C16orf95: variants seen among roughly 807,000 people sequenced by gnomAD.
C16orf95 encodes the protein chromosome 16 open reading frame 95.
A neutral mutation model predicts 32.1 loss-of-function variants in C16orf95; 41 were observed. The ratio of observed to expected loss-of-function variants is 1.28; its 90% CI spans 1.00 to 1.66. The LOEUF is 1.66. Ranked by LOEUF, C16orf95 falls within the 40% of genes most tolerant of loss-of-function variation. The pLI is 0.00. For synonymous variants in C16orf95, 147 were observed against 128.9 expected, an observed-to-expected ratio of 1.14 and a Z score of -0.95; for missense variants, 399 against 325.9, an observed-to-expected ratio of 1.22 and a Z score of -1.73.
intron 2 of C16orf95, 41 bp downstream of exon 2, chr16:87,315,731 G>C (rs1264485499): frequency 4.1e-6 from 6 of 1,463,698 alleles, no homozygotes; most frequent in Admixed American, 2.1e-5. Context: ...ACAGGGATAT[G>C]TTGGGGTCAG....
At chr16:87,307,655 G>A (rs1319622476) in intron 5 of C16orf95, among the ~76,000 whole-genome samples, 1 of 152,132 alleles carries the variant, frequency 6.6e-6, no homozygotes, top group Admixed American at 6.5e-5. Flanking sequence ...CTACTTGGGA[G>A]GCTGAGGTAG....
Position 87,317,373 on chromosome 16 carries a change from G to A in C16orf95, c.-131C>T, listed in dbSNP as rs1287876666. On this transcript the variant is annotated 5_prime_UTR_variant, in exon 1 of 7. Transcript: ENST00000567970. ...CTCAACCCCAGCCCCAACCTCAACC[G>A]CTCAGAGGAGCCCAACAACGCCCGC... The A allele has an allele frequency of 6.4e-6, 9 of 1,397,984 alleles. No homozygotes were observed. Among genetic ancestry groups the A allele is most frequent in the African/African-American group, 3.0e-5 (2 of 67,706 alleles). The allele number at this position is 1,397,984 out of a possible 1,614,324, so 86.6% of individuals were successfully genotyped here.
intron 6 of C16orf95, among the ~76,000 whole-genome samples, chr16:87,304,271 A>C: frequency 1.8e-5 from 1 of 56,110 alleles, no homozygotes; most frequent in Non-Finnish European, 4.2e-5. Flanking sequence ...TGGCCTCCGA[A>C]AGTGCTGGGA....
At chr16:87,317,047 G>C (rs781239765) in intron 1 of C16orf95, 44 bp downstream of exon 1, 2 of 1,468,648 alleles carry the variant, frequency 1.4e-6, no homozygotes, top group South Asian at 1.3e-5. Context: ...GAACTCACAG[G>C]CGAGGTGTCG....
chr16:87,315,297 G>A (rs1904310677), intron 2 of C16orf95, among the ~76,000 whole-genome samples: 2 of 152,182 alleles, frequency 1.3e-5, no homozygotes, highest in African/African-American at 4.8e-5. Context: ...GGATCCCCCG[G>A]AGCTTGCAAA....
rs1262813420 is a variant in C16orf95, at chr16:87,315,799, C to A, written c.177G>T (p.Lys59Asn). 6.5e-7 allele frequency: 1 copy of A among 1,531,064 alleles called. No individual in the cohort carries two copies. Among genetic ancestry groups the A allele is most frequent in the African/African-American group, 1.4e-5 (1 of 72,946 alleles). 94.8% of individuals were successfully genotyped at this position (1,531,064 alleles called of 1,614,324 possible). A position where few individuals can be genotyped will look rare whatever the true frequency, so the allele number is the denominator to read the frequency against. ...DGRNSTFQTY[K>N]KEVCLPRHSM... ...AATGACGGGGGAGGCACACTTCTTT[C>A]TTGTAGGTTTGAAATGTGCTATTCC... is the stretch of plus-strand genomic sequence containing the variant. Residue 59 changes from lysine to asparagine, a missense_variant, in exon 2 of 7, where the codon AAG (lysine) becomes AAT (asparagine). Transcript: ENST00000567970.
intron 2 of C16orf95, among the ~76,000 whole-genome samples, 198 bp downstream of exon 2, chr16:87,315,574 G>C (rs561625078): frequency 8.5e-5 from 13 of 152,314 alleles, no homozygotes; most frequent in Non-Finnish European, 1.5e-4. Flanking sequence ...AGGTATATTA[G>C]GTGGCCTCCT....
chr16:87,307,051 C>T (rs991824690), intron 5 of C16orf95, among the ~76,000 whole-genome samples: 23 of 152,160 alleles, frequency 1.5e-4, no homozygotes, highest in Admixed American at 1.5e-3. Flanking sequence ...AAGCATTCCC[C>T]GACCCCTGCC....
rs1910829269 is a variant in C16orf95 at position 87,302,943 on chromosome 16, C to A, written c.*114G>T. ...TTGGGTTGAATCCTGGGTGTGGATT[C>A]TGTTCTGAGAAGACAGCGACTGTCA... On this transcript the variant is annotated 3_prime_UTR_variant, in exon 7 of 7. Coordinates refer to ENST00000567970, the MANE Select transcript of C16orf95 (RefSeq NM_001195124.3). 1.8e-6 allele frequency: 2 copies of A among 1,103,642 alleles called. No individual in the cohort carries two copies. The highest frequency in any genetic ancestry group is 2.7e-6 in the Non-Finnish European group (2 of 753,236). The allele number at this position is 1,103,642 out of a possible 1,614,324, so 68.4% of individuals were successfully genotyped here.
intron 5 of C16orf95, among the ~76,000 whole-genome samples, chr16:87,309,687 T>A (rs1240544715): frequency 6.6e-6 from 1 of 152,120 alleles, no homozygotes; most frequent in East Asian, 1.9e-4. Context: ...CCCAGCATAT[T>A]ATATGCATTT....
chr16:87,312,306 T>G (rs1053313336), intron 3 of C16orf95, among the ~76,000 whole-genome samples: 2 of 152,148 alleles, frequency 1.3e-5, no homozygotes, highest in Non-Finnish European at 2.9e-5. Flanking sequence ...CAGTGGCTCA[T>G]GCCAATAATC....
chr16:87,305,825 G>A lies in C16orf95; in HGVS notation c.595C>T (p.Leu199Phe), dbSNP rs1910998444. The A allele has an allele frequency of 1.3e-6, 2 of 1,496,644 alleles. No individual in the cohort carries two copies. The highest frequency in any genetic ancestry group is 2.2e-5 in the Admixed American group (1 of 45,072). The allele number at this position is 1,496,644 out of a possible 1,614,324, so 92.7% of individuals were successfully genotyped here. A position where few individuals can be genotyped will look rare whatever the true frequency, so the allele number is the denominator to read the frequency against. ...DECLLSKFQQ[L>F]QAPYQDQLPA... ...AGCTGGTCCTGGTAGGGGGCCTGGA[G>A]CTGCTGGAACTTGGACAACAGGCAC... Residue 199 changes from leucine (L) to phenylalanine (F), a missense_variant, in exon 6 of 7, where the codon CTC becomes TTC. By Grantham distance (22) the Leu-to-Phe change is conservative. Coordinates refer to ENST00000567970, the MANE Select transcript of C16orf95 (RefSeq NM_001195124.3). This position sits in a 1 kb window ranked among gnomAD's most constrained non-coding sequence, Gnocchi z 4.2.
In C16orf95 at chr16:87,311,144, CCTT is replaced by C; in HGVS notation, c.477+3_477+5del. On this transcript the variant is annotated splice_donor_5th_base_variant and intron_variant, in intron 4 of 6. Transcript: ENST00000567970. ...GTTCTCACTGCAGTGTGCGCCTCCTCCTTACCTGCTGCTGAGACCTCAGGACCT... is the reference window on the plus strand; with the variant it reads ...GTTCTCACTGCAGTGTGCGCCTCCTCACCTGCTGCTGAGACCTCAGGACCT... The C allele has an allele frequency of 6.6e-7, 1 of 1,520,380 alleles. No individual in the cohort carries two copies. Among genetic ancestry groups the C allele is most frequent in the Non-Finnish European group, 8.8e-7 (1 of 1,135,578 alleles). The allele number at this position is 1,520,380 out of a possible 1,614,324, so 94.2% of individuals were successfully genotyped here.
At chr16:87,310,186 A>T in intron 5 of C16orf95, 111 bp downstream of exon 5, 1 of 1,091,946 alleles carries the variant, frequency 9.2e-7, no homozygotes, top group Non-Finnish European at 1.3e-6. Context: ...TCACTGTCAC[A>T]CTGTGGGCAG....
Position 87,311,251 on chromosome 16 carries a change from A to G in C16orf95, c.376T>C (p.Cys126Arg). 1 of 1,535,736 alleles carries G rather than the reference A, an allele frequency of 6.5e-7. No homozygotes were observed. The highest frequency in any genetic ancestry group is 8.7e-7 in the Non-Finnish European group (1 of 1,146,612). The change falls in exon 4 of 7, where the codon TGC becomes CGC. Residue 126 changes from cysteine (C) to arginine (R), a missense_variant. By Grantham distance (180) the Cys-to-Arg change is radical (BLOSUM62 -3). Coordinates refer to ENST00000567970, the MANE Select transcript of C16orf95 (RefSeq NM_001195124.3). ...CCAAAGCGGTGGCATAGGCAGGGGC[A>G]CATCTTGGCGGTTTGGGGGATAGGA... Reference protein sequence around the residue: ...QFPIPQTAKMCPCLCHRFGGR... With the variant: ...QFPIPQTAKMRPCLCHRFGGR...
Position 87,305,405 on chromosome 16 carries a change from G to C in C16orf95, c.701+314C>G, listed in dbSNP as rs778301243. The stretch of plus-strand genomic sequence containing the variant: ...GCACCGTCAACCCCAACATAACAAT[G>C]AAAATTTATGGAAACTGGGACCCGT... On this transcript the variant is annotated intron_variant, in intron 6 of 6. Coordinates refer to ENST00000567970, the MANE Select transcript of C16orf95 (RefSeq NM_001195124.3). This position sits in a 1 kb window ranked among gnomAD's most constrained non-coding sequence, Gnocchi z 4.2. 8.6e-5 allele frequency among the ~76,000 whole-genome samples: 13 copies of C among 151,658 alleles called. No individual in the cohort carries two copies. Among genetic ancestry groups the C allele is most frequent in the Non-Finnish European group, 1.6e-4 (11 of 67,854 alleles).
rs1363468672 is a variant in C16orf95, at chr16:87,305,283, C to T, written c.701+436G>A. On this transcript the variant is annotated intron_variant, in intron 6 of 6. Coordinates refer to ENST00000567970, the MANE Select transcript of C16orf95 (RefSeq NM_001195124.3). This position sits in a 1 kb window ranked among gnomAD's most constrained non-coding sequence, Gnocchi z 4.2. ...GGGAAGGGGCTTTCTAGTATGGAGACTGGCGGCTGGGGCTCAAGCTGGGGA... is the reference window on the plus strand; with the variant it reads ...GGGAAGGGGCTTTCTAGTATGGAGATTGGCGGCTGGGGCTCAAGCTGGGGA... Among the ~76,000 whole-genome samples the T allele has an allele frequency of 1.3e-5, 2 of 152,148 alleles. No individual in the cohort carries two copies. Among genetic ancestry groups the T allele is most frequent in the Non-Finnish European group, 2.9e-5 (2 of 68,026 alleles).
At position 87,315,778 on chromosome 16, in the gene C16orf95, A is replaced by G. The variant is rs753178148; in HGVS notation, c.198T>C (p.Arg66=). 48 of 1,530,124 alleles carry G rather than the reference A, an allele frequency of 3.1e-5. No individual in the cohort carries two copies. The highest frequency in any genetic ancestry group is 1.6e-5 in the Non-Finnish European group (18 of 1,143,852). The allele number at this position is 1,530,124 out of a possible 1,614,324, so 94.8% of individuals were successfully genotyped here. The change falls in exon 2 of 7, where the codon CGT becomes CGC. Residue 66 remains arginine, a synonymous_variant. Coordinates refer to ENST00000567970, the MANE Select transcript of C16orf95 (RefSeq NM_001195124.3). ...QTYKKEVCLP[R]HSMHPGPWAI... The stretch of plus-strand genomic sequence containing the variant: ...GAGGATTTGCTTTCCTTACCGAATG[A>G]CGGGGGAGGCACACTTCTTTCTTGT...
At chr16:87,310,446 G>T in intron 4 of C16orf95, 113 bp from the exon 5 acceptor site, 1 of 1,037,628 alleles carries the variant, frequency 9.6e-7, no homozygotes, top group Non-Finnish European at 1.4e-6. Flanking sequence ...CAAGATAAAA[G>T]CCAAGGGCTC....
Sources: gnomAD v4.1 joint callset for allele counts (sites outside exome capture counted in the v4.1 genomes callset) on GRCh38, gnomAD v4.1.1 for gene constraint, Gnocchi (gnomAD v3.1) non-coding constraint, MANE v1.5 for transcripts, NCBI Gene and HGNC (gene_info 2026-07-23, HGNC 2026-07-21) for gene names.